SLC45A1: variants seen among roughly 807,000 people sequenced by gnomAD.
SLC45A1 encodes the protein proton-associated sugar transporter A.
SLC45A1 carries 28 observed loss-of-function variants against 57.6 expected under a neutral mutation model. The ratio of observed to expected loss-of-function variants is 0.49; its 90% CI spans 0.36 to 0.67. The LOEUF (loss-of-function observed/expected upper bound fraction) is 0.67, where lower values mean the gene tolerates loss of function less well. Ranked by LOEUF, SLC45A1 falls within the 30% of genes least tolerant of loss-of-function variation. The probability of loss-of-function intolerance (pLI) is 0.00; values close to 1 mark genes in which losing one functional copy is unlikely to be tolerated. For synonymous variants in SLC45A1, 459 were observed against 471.5 expected (o/e 0.97, Z 0.34); for missense variants, 814 against 1,041.5 (o/e 0.78, Z 3.01).
chr1:8,321,385 C>A (rs1338595884), intron 1 of SLC45A1, among the ~76,000 whole-genome samples: 1 of 65,660 alleles, frequency 1.5e-5, no homozygotes, highest in Non-Finnish European at 3.9e-5. Context: ...CTCCCTGTCA[C>A]CTTGGAATAA....
At chr1:8,340,034 T>C (rs891077559) in intron 8 of SLC45A1, among the ~76,000 whole-genome samples, 1 of 152,148 alleles carries the variant, frequency 6.6e-6, no homozygotes, top group African/African-American at 2.4e-5. Flanking sequence ...CCATTCAGGG[T>C]GGGGCTTATG....
chr1:8,322,044 T>C (rs910263760), intron 1 of SLC45A1, among the ~76,000 whole-genome samples: 1 of 26,094 alleles, frequency 3.8e-5, no homozygotes. Context: ...AGTGGGTGGG[T>C]GGGTGGATGG....
chr1:8,323,274 C>T (rs1021589758), intron 1 of SLC45A1, among the ~76,000 whole-genome samples: 6 of 152,032 alleles, frequency 3.9e-5, no homozygotes, highest in East Asian at 1.9e-4. Flanking sequence ...GGGCAGATCA[C>T]GAGGTCAGGA....
At chr1:8,322,794 C>T (rs1005915173) in intron 1 of SLC45A1, among the ~76,000 whole-genome samples, 3 of 152,168 alleles carry the variant, frequency 2.0e-5, no homozygotes, top group Non-Finnish European at 4.4e-5. Flanking sequence ...GGGCCTACGT[C>T]TCAGGAAGGA....
chr1:8,330,866 C>T lies in SLC45A1; in HGVS notation c.1373C>T (p.Ala458Val). 1 of 1,609,236 alleles carries T rather than the reference C, an allele frequency of 6.2e-7. No individual in the cohort carries two copies. The highest frequency in any genetic ancestry group is 8.5e-7 in the Non-Finnish European group (1 of 1,176,782). Residue 458 changes from alanine to valine, a missense_variant, in exon 5 of 9, where the codon GCC (alanine) becomes GTC (valine). Physicochemically the swap from Ala to Val is moderately conservative, Grantham distance 64 (BLOSUM62 0). Coordinates refer to ENST00000471889, the MANE Select transcript of SLC45A1 (RefSeq NM_001080397.3). This position sits in a 1 kb window ranked among gnomAD's most constrained non-coding sequence, Gnocchi z 8.4. ...ATTCTGAAGAGACCTCAGACCTTGGCCATCCCGGACGCAGCCGGAGGAGGG... is the reference window on the plus strand; with the variant it reads ...ATTCTGAAGAGACCTCAGACCTTGGTCATCCCGGACGCAGCCGGAGGAGGG... ...SGILKRPQTL[A>V]IPDAAGGGGP... is the part of the protein sequence containing the mutation.
rs769597700 is a variant in SLC45A1, at chr1:8,343,733, T to C, written c.1981-14T>C. 3.8e-6 allele frequency: 6 copies of C among 1,598,188 alleles called. No homozygotes were observed. The South Asian group carries it at 5.5e-5, about 15-fold the overall frequency. On this transcript the variant is annotated splice_polypyrimidine_tract_variant and intron_variant, in intron 8 of 8. Transcript: ENST00000471889. This position sits in a 1 kb window ranked among gnomAD's most constrained non-coding sequence, Gnocchi z 7.7. The stretch of plus-strand genomic sequence containing the variant: ...GCGGCGTGTCTCGCTGACACGTTTC[T>C]TCCTCTGGGTCAGTTTGCAGGGTCC...
In SLC45A1 at chr1:8,326,080, G is replaced by A; in HGVS notation, c.715+38G>A. 6.5e-7 allele frequency: 1 copy of A among 1,547,678 alleles called. No homozygotes were observed. Among genetic ancestry groups the A allele is most frequent in the Non-Finnish European group, 8.8e-7 (1 of 1,135,094 alleles). ...AGCAGGGCCGAAGCTGAATCTGCCG[G>A]GCTGCAGGCTTCAGACGTGTGGCTT... On this transcript the variant is annotated intron_variant, in intron 4 of 8. Transcript: ENST00000471889. This position sits in a 1 kb window ranked among gnomAD's most constrained non-coding sequence, Gnocchi z 5.5.
At chr1:8,342,804 T>TGGGAGGATCACTTGAGCCC (rs140953586) in intron 8 of SLC45A1, among the ~76,000 whole-genome samples, 131 of 55,968 alleles carry the variant, frequency 2.3e-3, no homozygotes, top group African/African-American at 6.0e-3. Context: ...GAGGCTGAGG[T>TGGGAGGATCACTTGAGCCC]GGGAGGATCA....
chr1:8,337,206 T>C (rs1469532093), intron 6 of SLC45A1, among the ~76,000 whole-genome samples: 1 of 152,150 alleles, frequency 6.6e-6, no homozygotes, highest in African/African-American at 2.4e-5. Context: ...CAAGAGGGCA[T>C]GTGCAGGGGA....
rs1257117679 is a variant in SLC45A1, at chr1:8,327,646, C to A, written c.715+1604C>A. ...AACAGTGAGACCCCATCTCTAAAAACATAAGATTAAATAAATAAATAACTC... is the reference window on the plus strand; with the variant it reads ...AACAGTGAGACCCCATCTCTAAAAAAATAAGATTAAATAAATAAATAACTC... On this transcript the variant is annotated intron_variant, in intron 4 of 8. Coordinates refer to ENST00000471889, the MANE Select transcript of SLC45A1 (RefSeq NM_001080397.3). This position sits in a 1 kb window ranked among gnomAD's most constrained non-coding sequence, Gnocchi z 4.3. Among the ~76,000 whole-genome samples, 2 of 152,088 alleles carry A rather than the reference C, an allele frequency of 1.3e-5. No homozygotes were observed. Among genetic ancestry groups the A allele is most frequent in the Non-Finnish European group, 1.5e-5 (1 of 67,998 alleles).
Position 8,344,110 on chromosome 1 carries a change from G to T in SLC45A1, c.*97G>T, listed in dbSNP as rs1640927194. On this transcript the variant is annotated 3_prime_UTR_variant, in exon 9 of 9. Transcript: ENST00000471889. ...AAGGGCCTTGTTGGACAGGGGGACT[G>T]GCTGCCTACTGGAATGTAAATATGT... 9.0e-6 allele frequency: 10 copies of T among 1,106,142 alleles called. No individual in the cohort carries two copies. The highest frequency in any genetic ancestry group is 1.6e-5 in the African/African-American group (1 of 63,824). The allele number at this position is 1,106,142 out of a possible 1,614,324, so 68.5% of individuals were successfully genotyped here.
rs1186459346 is a variant in SLC45A1 at position 8,325,692 on chromosome 1, G to A, written c.491-126G>A. 19 of 883,382 alleles carry A rather than the reference G, an allele frequency of 2.2e-5. No individual in the cohort carries two copies. Among genetic ancestry groups the A allele is most frequent in the African/African-American group, 3.4e-5 (2 of 59,340 alleles). 54.7% of individuals were successfully genotyped at this position (883,382 alleles called of 1,614,324 possible). On this transcript the variant is annotated intron_variant, in intron 3 of 8. Transcript: ENST00000471889. The surrounding 1 kb of genome is among the most constrained non-coding windows in gnomAD (Gnocchi z 6.3). ...TGAGTTTGCAGGCGGCTTTTCCACC[G>A]GGCTGTGCTTGAGGTTTAAGTTTTA... is the stretch of plus-strand genomic sequence containing the variant.
chr1:8,336,553 A>G (rs186597329), intron 6 of SLC45A1, among the ~76,000 whole-genome samples: 1 of 152,318 alleles, frequency 6.6e-6, no homozygotes, highest in East Asian at 1.9e-4. Context: ...GACCTTACTC[A>G]GTATTCCATG....
Position 8,344,013 on chromosome 1 carries a change from A to T in SLC45A1, c.2247A>T (p.Ter749CysextTer44). 1 of 1,603,538 alleles carries T rather than the reference A, an allele frequency of 6.2e-7. No homozygotes were observed. The highest frequency in any genetic ancestry group is 8.5e-7 in the Non-Finnish European group (1 of 1,173,226). ...ACCGGCCCCTCCTGCTGAACGTCTG[A>T]CATCGCGGAGCCTCGACTCCGGACA... Reference protein sequence around the residue: ...EEHRPLLLNV* With the variant: ...EEHRPLLLNVC Residue 749 changes from the stop codon to cysteine, a stop_lost, in exon 9 of 9, where the codon TGA (stop) becomes TGT (cysteine). Transcript: ENST00000471889.
Position 8,330,222 on chromosome 1 carries a change from C to G in SLC45A1, c.729C>G (p.Gly243=). 6.2e-7 allele frequency: 1 copy of G among 1,613,606 alleles called. No homozygotes were observed. Among genetic ancestry groups the G allele is most frequent in the Non-Finnish European group, 8.5e-7 (1 of 1,179,780 alleles). Residue 243 remains glycine (G), a synonymous_variant, in exon 5 of 9, where the codon GGC becomes GGG. Coordinates refer to ENST00000471889, the MANE Select transcript of SLC45A1 (RefSeq NM_001080397.3). The surrounding 1 kb of genome is among the most constrained non-coding windows in gnomAD (Gnocchi z 8.4). ...CTCTTTCCCCAGGTCTCGGAGGAGG[C>G]TTTGGATACGTGGTCGGCGGAATCC... The part of the protein sequence containing the change: ...IHALLAGLGG[G]FGYVVGGIHW...
At chr1:8,338,715 T>A (rs774727022) in intron 7 of SLC45A1, among the ~76,000 whole-genome samples, 44 of 152,262 alleles carry the variant, frequency 2.9e-4, no homozygotes, top group Non-Finnish European at 5.9e-4. Context: ...TTCGCTGAAA[T>A]ACGAGTTTCA....
At chr1:8,338,964 T>TC (rs1640713792) in intron 7 of SLC45A1, among the ~76,000 whole-genome samples, 1 of 152,116 alleles carries the variant, frequency 6.6e-6, no homozygotes, top group Admixed American at 6.6e-5. Flanking sequence ...GGGTGGCACC[T>TC]CGGGTGTTGG....
In SLC45A1 at chr1:8,330,278, T is replaced by TC; in HGVS notation, c.785_786insC (p.Gln265ThrfsTer26). On this transcript the variant is annotated frameshift_variant, in exon 5 of 9. Transcript: ENST00000471889. LOFTEE classifies it high-confidence loss of function. This position sits in a 1 kb window ranked among gnomAD's most constrained non-coding sequence, Gnocchi z 8.4. Reference sequence around the variant, plus strand: ...GATAAAACGGGCTTCGGGAGGGCCCTGGGGGGACAGCTCCGAGTCATTTAC... The same window carrying TC: ...GATAAAACGGGCTTCGGGAGGGCCCTCGGGGGGACAGCTCCGAGTCATTTAC... 6.2e-7 allele frequency: 1 copy of TC among 1,613,856 alleles called. No individual in the cohort carries two copies. The highest frequency in any genetic ancestry group is 8.5e-7 in the Non-Finnish European group (1 of 1,179,994).
At position 8,330,152 on chromosome 1, in the gene SLC45A1, C is replaced by T. The variant is rs1640337772; in HGVS notation, c.716-57C>T. On this transcript the variant is annotated intron_variant, in intron 4 of 8. Transcript: ENST00000471889. This position sits in a 1 kb window ranked among gnomAD's most constrained non-coding sequence, Gnocchi z 8.4. ...CATGTCCTTCTAAGAACGGGGCCAC[C>T]GCGTTTGGGGCTTCTCCTCCCGCAG... 12 of 1,575,864 alleles carry T rather than the reference C, an allele frequency of 7.6e-6. No homozygotes were observed. Among genetic ancestry groups the T allele is most frequent in the East Asian group, 2.2e-5 (1 of 44,554 alleles).
Sources: gnomAD v4.1 joint callset for allele counts (sites outside exome capture counted in the v4.1 genomes callset) on GRCh38, gnomAD v4.1.1 for gene constraint, Gnocchi (gnomAD v3.1) non-coding constraint, MANE v1.5 for transcripts, NCBI Gene and HGNC (gene_info 2026-07-23, HGNC 2026-07-21) for gene names.